Variants in SLCO2A1 observed in about 807,000 individuals in gnomAD.
SLCO2A1 encodes matrin F/G 1.
Under a neutral mutation model 71.7 loss-of-function variants are expected in SLCO2A1, and 60 were observed. The ratio of observed to expected loss-of-function variants is 0.84; its 90% CI spans 0.68 to 1.04. SLCO2A1 has a LOEUF of 1.04. Ranked by LOEUF, SLCO2A1 falls within the 50% of genes least tolerant of loss-of-function variation. The pLI is 0.00. For synonymous variants in SLCO2A1, 308 were observed against 326.7 expected, an observed-to-expected ratio of 0.94 and a Z score of 0.62; for missense variants, 745 against 813.4, an observed-to-expected ratio of 0.92 and a Z score of 1.02.
At chr3:134,023,474 A>G (rs2108080603) in intron 1 of SLCO2A1, among the ~76,000 whole-genome samples, 1 of 152,312 alleles carries the variant, frequency 6.6e-6, no homozygotes, top group Middle Eastern at 3.4e-3. Context: ...GGCATTAGTA[A>G]AGTAGGACCA....
rs971627306 is a variant in SLCO2A1 at position 134,001,264 on chromosome 3, C to A, written c.97-21646G>T. Among the ~76,000 whole-genome samples, 4 of 152,206 alleles carry A rather than the reference C, an allele frequency of 2.6e-5. No homozygotes were observed. The South Asian group carries it at 6.2e-4, about 24-fold the overall frequency. On this transcript the variant is annotated intron_variant, in intron 1 of 13. Coordinates refer to ENST00000310926, the MANE Select transcript of SLCO2A1 (RefSeq NM_005630.3). ...TAGCTGGGACTACAGACCCACGCCACCGTGCCCAACTAATTTTTGTATTTT... is the reference window on the plus strand; with the variant it reads ...TAGCTGGGACTACAGACCCACGCCAACGTGCCCAACTAATTTTTGTATTTT...
intron 1 of SLCO2A1, among the ~76,000 whole-genome samples, chr3:133,997,733 T>C (rs1935000296): frequency 6.6e-6 from 1 of 152,224 alleles, no homozygotes; most frequent in Non-Finnish European, 1.5e-5. Flanking sequence ...GTGGTATTTT[T>C]TAAATGGCAG....
In SLCO2A1 at chr3:133,962,038, C is replaced by T. The variant is rs201781318; in HGVS notation, c.398-6845G>A. 6.6e-5 allele frequency among the ~76,000 whole-genome samples: 10 copies of T among 152,332 alleles called. No individual in the cohort carries two copies. In the East Asian group the frequency reaches 1.9e-3, roughly 29 times the overall value. On this transcript the variant is annotated intron_variant, in intron 3 of 13. Transcript: ENST00000310926. ...TGGCAGTGGGCGGCCCTGGCTAGCT[C>T]ACTCTGGTCAGAATAGAGTCTTCTA... is the stretch of plus-strand genomic sequence containing the variant.
intron 3 of SLCO2A1, among the ~76,000 whole-genome samples, chr3:133,968,572 C>T (rs1198959583): frequency 6.6e-6 from 1 of 152,230 alleles, no homozygotes; most frequent in Non-Finnish European, 1.5e-5. Flanking sequence ...CTTGTCTGCT[C>T]CAAAAATACA....
At chr3:133,936,815 C>G (rs950427539) in intron 12 of SLCO2A1, among the ~76,000 whole-genome samples, 4 of 152,198 alleles carry the variant, frequency 2.6e-5, no homozygotes, top group African/African-American at 9.6e-5. Flanking sequence ...TACTCAGATC[C>G]TGCTCACTCT....
chr3:134,006,581 G>A (rs1040033156), intron 1 of SLCO2A1, among the ~76,000 whole-genome samples: 16 of 152,082 alleles, frequency 1.1e-4, no homozygotes, highest in Middle Eastern at 3.4e-3. Flanking sequence ...GTATTTTGTC[G>A]TTCTGTGACT....
chr3:133,950,004 A>G (rs1417522867), intron 6 of SLCO2A1, among the ~76,000 whole-genome samples: 1 of 151,868 alleles, frequency 6.6e-6, no homozygotes, highest in Non-Finnish European at 1.5e-5. Flanking sequence ...AGTTTTTAAA[A>G]TAATTTTTTT....
intron 12 of SLCO2A1, among the ~76,000 whole-genome samples, chr3:133,936,533 G>C (rs892426024): frequency 6.6e-6 from 1 of 152,182 alleles, no homozygotes; most frequent in African/African-American, 2.4e-5. Context: ...CTTGGCAGGG[G>C]CTATGCCTTC....
In SLCO2A1 at chr3:134,009,596, C is replaced by T. The variant is rs147843314; in HGVS notation, c.96+20111G>A. ...GAGTTTAAGCCACTTGACTGCCCCA[C>T]GCCCATGAAGGGCGTAAATGCTCAT... On this transcript the variant is annotated intron_variant, in intron 1 of 13. Coordinates refer to ENST00000310926, the MANE Select transcript of SLCO2A1 (RefSeq NM_005630.3). 2.6e-4 allele frequency among the ~76,000 whole-genome samples: 40 copies of T among 152,354 alleles called. No individual in the cohort carries two copies. In the East Asian group the frequency reaches 7.5e-3, roughly 29 times the overall value.
intron 1 of SLCO2A1, among the ~76,000 whole-genome samples, chr3:133,981,835 C>T (rs1934599719): frequency 2.0e-5 from 3 of 152,046 alleles, no homozygotes; most frequent in Admixed American, 1.3e-4. Context: ...ATTAACCAGG[C>T]GTGGTGGCAC....
intron 3 of SLCO2A1, among the ~76,000 whole-genome samples, chr3:133,964,700 G>A (rs1293611092): frequency 6.6e-6 from 1 of 152,208 alleles, no homozygotes; most frequent in Non-Finnish European, 1.5e-5. Context: ...GGCTGAGGCT[G>A]GATGTCCCTT....
chr3:134,017,116 G>A (rs1935469893), intron 1 of SLCO2A1, among the ~76,000 whole-genome samples: 1 of 152,186 alleles, frequency 6.6e-6, no homozygotes, highest in African/African-American at 2.4e-5. Flanking sequence ...TCTGTATCTT[G>A]AAGTGGTGGG....
At chr3:133,988,826 C>A (rs756895195) in intron 1 of SLCO2A1, among the ~76,000 whole-genome samples, 4 of 152,182 alleles carry the variant, frequency 2.6e-5, no homozygotes, top group Non-Finnish European at 4.4e-5. Flanking sequence ...CAGGTGGGAA[C>A]ACGTGAGACA....
intron 13 of SLCO2A1, among the ~76,000 whole-genome samples, chr3:133,935,376 G>A (rs1933242328): frequency 6.6e-6 from 1 of 152,178 alleles, no homozygotes; most frequent in African/African-American, 2.4e-5. Flanking sequence ...CTGGACCTCT[G>A]CCAGGAGCCA....
chr3:133,940,180 C>T (rs142472865), intron 11 of SLCO2A1, among the ~76,000 whole-genome samples: 35 of 152,250 alleles, frequency 2.3e-4, no homozygotes, highest in African/African-American at 7.9e-4. Flanking sequence ...GTTGGCCAGG[C>T]TGGTCTTGAA....
At chr3:133,954,827 C>G (rs998002653) in intron 4 of SLCO2A1, 139 bp downstream of exon 4, 3 of 648,180 alleles carry the variant, frequency 4.6e-6, no homozygotes, top group Non-Finnish European at 7.9e-6. Context: ...CCAAGTCTGT[C>G]GGATCCCCAG....
chr3:133,983,960 GAA>G (rs1934652527), intron 1 of SLCO2A1, among the ~76,000 whole-genome samples: 1 of 152,198 alleles, frequency 6.6e-6, no homozygotes, highest in African/African-American at 2.4e-5. Flanking sequence ...TGAGGGCCAG[GAA>G]GAGGTCAAAG....
At chr3:133,996,372 A>G (rs1165164250) in intron 1 of SLCO2A1, among the ~76,000 whole-genome samples, 1 of 152,230 alleles carries the variant, frequency 6.6e-6, no homozygotes, top group Non-Finnish European at 1.5e-5. Context: ...GATGCTTAGA[A>G]GCAGGGCGGG....
chr3:134,001,486 GC>G (rs1466165886), intron 1 of SLCO2A1, among the ~76,000 whole-genome samples: 1 of 152,170 alleles, frequency 6.6e-6, no homozygotes, highest in Non-Finnish European at 1.5e-5. Flanking sequence ...TCAACAGAGG[GC>G]TGGCTGCTCC....
Sources: gnomAD v4.1 joint callset for allele counts (sites outside exome capture counted in the v4.1 genomes callset) on GRCh38, gnomAD v4.1.1 for gene constraint, MANE v1.5 for transcripts, NCBI Gene and HGNC (gene_info 2026-07-23, HGNC 2026-07-21) for gene names.